The following SART3 variants were observed in gnomAD, a reference collection of about 807,000 sequenced individuals.
SART3 encodes spliceosome associated factor 3, U4/U6 recycling protein.
Under a neutral mutation model 122.3 loss-of-function variants are expected in SART3, and 44 were observed. The ratio of observed to expected loss-of-function variants is 0.36; its 90% CI spans 0.28 to 0.46. SART3 has a LOEUF of 0.46. Among genes scored for constraint, SART3 ranks in the 20% least tolerant of loss-of-function variants. The pLI is 1.00. For synonymous variants in SART3, 442 were observed against 454.0 expected (o/e 0.97, Z 0.34); for missense variants, 1,101 against 1,229.0 (o/e 0.90, Z 1.56).
At chr12:108,551,278 A>G (rs1592774150) in intron 1 of SART3, among the ~76,000 whole-genome samples, 1 of 152,330 alleles carries the variant, frequency 6.6e-6, no homozygotes, top group African/African-American at 2.4e-5. Context: ...AAATAGATCA[A>G]TCTACCAGGA....
intron 1 of SART3, among the ~76,000 whole-genome samples, chr12:108,558,013 T>C (rs527612450): frequency 6.6e-5 from 10 of 151,970 alleles, no homozygotes. Flanking sequence ...AAAAAAAATA[T>C]TTTTAATTAG....
intron 16 of SART3, chr12:108,525,871 A>G (rs1872349213): frequency 1.6e-5 from 10 of 619,162 alleles, no homozygotes; most frequent in Middle Eastern, 4.3e-4. Flanking sequence ...ACACACATAA[A>G]GCATTCAGCA....
At position 108,543,090 on chromosome 12, in the gene SART3, T is replaced by A; in HGVS notation, c.844A>T (p.Ile282Phe). ...WSEDPIPESV[I>F]QNYNKALQQL... ...TGTAGTGCTTTGTTATAGTTCTGAATTACTGACTCTGGTATTGGGTCTTCT... is the reference window on the plus strand; with the variant it reads ...TGTAGTGCTTTGTTATAGTTCTGAAATACTGACTCTGGTATTGGGTCTTCT... The change falls in exon 6 of 19, where the codon ATT becomes TTT. Residue 282 changes from isoleucine (I) to phenylalanine (F), a missense_variant. Ile to Phe is a conservative substitution (Grantham distance 21). This residue lies in a region of SART3 where 885 missense variants were observed against 1,080.1 expected (regional missense o/e 0.82). Coordinates refer to ENST00000546815, the MANE Select transcript of SART3 (RefSeq NM_014706.4). The A allele has an allele frequency of 6.2e-7, 1 of 1,614,232 alleles. No individual in the cohort carries two copies. The highest frequency in any genetic ancestry group is 8.5e-7 in the Non-Finnish European group (1 of 1,180,034).
Position 108,549,101 on chromosome 12 carries a change from A to G in SART3, c.426T>C (p.Phe142=). Residue 142 remains phenylalanine, a synonymous_variant, in exon 2 of 19, where the codon TTT becomes TTC. Coordinates refer to ENST00000546815, the MANE Select transcript of SART3 (RefSeq NM_014706.4). Reference sequence around the variant, plus strand: ...GCTGAAGCTTACCTTCAGTCAAGGGAAAGATTTCACTCATCTTCTGGCGGG... The same window carrying G: ...GCTGAAGCTTACCTTCAGTCAAGGGGAAGATTTCACTCATCTTCTGGCGGG... The part of the protein sequence containing the change: ...RMARQKMSEI[F]PLTEELWLEW... The G allele has an allele frequency of 6.2e-7, 1 of 1,614,134 alleles. No individual in the cohort carries two copies. Among genetic ancestry groups the G allele is most frequent in the East Asian group, 2.2e-5 (1 of 44,890 alleles).
At chr12:108,530,584 C>CGGT (rs1872634556) in intron 14 of SART3, among the ~76,000 whole-genome samples, 1 of 152,116 alleles carries the variant, frequency 6.6e-6, no homozygotes, top group African/African-American at 2.4e-5. Context: ...TGGCCGGGCG[C>CGGT]GGTGGCTCAC....
rs944806199 is a variant in SART3, at chr12:108,523,403, G to A, written c.*54C>T. The A allele has an allele frequency of 1.3e-6, 2 of 1,585,922 alleles. No homozygotes were observed. Among genetic ancestry groups the A allele is most frequent in the African/African-American group, 1.3e-5 (1 of 74,374 alleles). ...TCCCCAGTGCACTGCTGGGTGGTGG[G>A]AGGTCCGCCGGGCCAGAGTGAAGTA... On this transcript the variant is annotated 3_prime_UTR_variant, in exon 19 of 19. Coordinates refer to ENST00000546815, the MANE Select transcript of SART3 (RefSeq NM_014706.4).
chr12:108,557,424 A>G (rs1184359123), intron 1 of SART3, among the ~76,000 whole-genome samples: 2 of 152,148 alleles, frequency 1.3e-5, no homozygotes, highest in African/African-American at 4.8e-5. Flanking sequence ...ACTCCCTAGC[A>G]ATGTGAAAAA....
chr12:108,530,824 C>T (rs920377763), intron 14 of SART3, among the ~76,000 whole-genome samples: 14 of 151,944 alleles, frequency 9.2e-5, no homozygotes, highest in African/African-American at 3.4e-4. Context: ...TGCCACTGCA[C>T]TCCAGCCTGG....
At chr12:108,536,806 AGGCTTTAGGAAACC>A (rs1565861219) in intron 9 of SART3, 21 bp from the exon 10 acceptor site, 7 of 1,610,606 alleles carry the variant, frequency 4.3e-6, no homozygotes, top group Non-Finnish European at 5.1e-6. Flanking sequence ...GTGCAAAAAA[AGGCTTTAGGAAACC>A]ACATAGCCTG....
At chr12:108,532,510 CT>C in intron 12 of SART3, 176 bp from the exon 13 acceptor site, 1 of 597,314 alleles carries the variant, frequency 1.7e-6, no homozygotes, top group Non-Finnish European at 3.0e-6. Flanking sequence ...CTACAGTCAC[CT>C]ACGAAGTATT....
Position 108,561,145 on chromosome 12 carries a change from C to T in SART3, c.10G>A (p.Ala4Thr). 6.2e-7 allele frequency: 1 copy of T among 1,613,138 alleles called. No individual in the cohort carries two copies. Among genetic ancestry groups the T allele is most frequent in the Non-Finnish European group, 8.5e-7 (1 of 1,179,126 alleles). The change falls in exon 1 of 19, where the codon GCG becomes ACG. Residue 4 changes from alanine (A) to threonine (T), a missense_variant. Physicochemically the swap from Ala to Thr is moderately conservative, Grantham distance 58. This residue lies in a region of SART3 where 216 missense variants were observed against 148.9 expected (regional missense o/e 1.45). Coordinates refer to ENST00000546815, the MANE Select transcript of SART3 (RefSeq NM_014706.4). Reference sequence around the variant, plus strand: ...GGTTCTGAAGCCGAGGTTTCGGCCGCAGTCGCCATCTTGCGCTTCTAATGA... The same window carrying T: ...GGTTCTGAAGCCGAGGTTTCGGCCGTAGTCGCCATCTTGCGCTTCTAATGA... MAT[A>T]AETSASEPEA... is the part of the protein sequence containing the mutation.
At chr12:108,560,520 G>GTC in intron 1 of SART3, 1 of 404,828 alleles carries the variant, frequency 2.5e-6, no homozygotes, top group South Asian at 1.0e-4. Context: ...TTCTGGAATG[G>GTC]GATCAAAGTA....
At chr12:108,538,693 A>C (rs1209295803) in intron 7 of SART3, among the ~76,000 whole-genome samples, 1 of 152,244 alleles carries the variant, frequency 6.6e-6, no homozygotes, top group African/African-American at 2.4e-5. Flanking sequence ...AGTTAAAAGA[A>C]AAATATCAAG....
At chr12:108,554,056 AG>A (rs2030116777) in intron 1 of SART3, 1 of 152,220 alleles carries the variant, frequency 6.6e-6, no homozygotes, top group African/African-American at 2.4e-5. Flanking sequence ...TCAGCCCAGA[AG>A]GATCTCTCAC....
Position 108,545,179 on chromosome 12 carries a change from GC to G in SART3, c.688del (p.Ala230LeufsTer52). On this transcript the variant is annotated frameshift_variant, in exon 4 of 19. Transcript: ENST00000546815. LOFTEE classifies it high-confidence loss of function. ...AATCGCACTTTCAAACTCTCGGTAA[GC>G]CTCCCAGAGGGCGAGTCCTTTGGTC... ...HMTKGLALWE[A>X]YREFESAIVE... 1 of 1,614,078 alleles carries G rather than the reference GC, an allele frequency of 6.2e-7. No homozygotes were observed. Among genetic ancestry groups the G allele is most frequent in the Non-Finnish European group, 8.5e-7 (1 of 1,180,008 alleles).
In SART3 at chr12:108,547,926, C is replaced by T. The variant is rs562057224; in HGVS notation, c.505G>A (p.Val169Met). ...MAQDGLDREH[V>M]YDLFEKAVKD... ...ACGGCTTTCTCAAAGAGGTCATACACGTGCTCTCTGTCCAGGCCATCCTGG... is the reference window on the plus strand; with the variant it reads ...ACGGCTTTCTCAAAGAGGTCATACATGTGCTCTCTGTCCAGGCCATCCTGG... The change falls in exon 3 of 19, where the codon GTG (valine) becomes ATG (methionine). Residue 169 changes from valine (V) to methionine (M), a missense_variant. This residue lies in a region of SART3 where 885 missense variants were observed against 1,080.1 expected (regional missense o/e 0.82). Transcript: ENST00000546815. The T allele has an allele frequency of 6.8e-6, 11 of 1,613,760 alleles. No individual in the cohort carries two copies. The highest frequency in any genetic ancestry group is 5.3e-5 in the African/African-American group (4 of 75,070).
chr12:108,542,725 G>A, intron 6 of SART3: 2 of 437,790 alleles, frequency 4.6e-6, no homozygotes, highest in Non-Finnish European at 8.7e-6. Context: ...AAACTATAAA[G>A]AAAAGCAAGG....
intron 5 of SART3, among the ~76,000 whole-genome samples, chr12:108,543,740 T>C (rs1873272815): frequency 6.6e-6 from 1 of 152,218 alleles, no homozygotes; most frequent in African/African-American, 2.4e-5. Context: ...AAATAACATG[T>C]GGGCTCCAGT....
chr12:108,554,900 G>A (rs2030152585), intron 1 of SART3, among the ~76,000 whole-genome samples: 1 of 151,878 alleles, frequency 6.6e-6, no homozygotes, highest in Non-Finnish European at 1.5e-5. Context: ...CAAATCATTT[G>A]GAAATAATAA....
Sources: allele counts gnomAD v4.1 joint callset (sites outside exome capture counted in the v4.1 genomes callset), GRCh38; gene constraint gnomAD v4.1.1; regional missense constraint gnomAD v4.1.1; transcripts MANE v1.5; gene names NCBI Gene and HGNC (gene_info 2026-07-23, HGNC 2026-07-21).